DGKB: variants seen among roughly 807,000 people sequenced by gnomAD.
DGKB encodes diacylglycerol kinase beta.
In DGKB, 67 loss-of-function variants were observed where a neutral mutation model predicts 114.3. The observed-to-expected ratio is 0.59, with a 90% CI of 0.48 to 0.72. DGKB has a LOEUF of 0.72. Ranked by LOEUF, DGKB falls within the 30% of genes least tolerant of loss-of-function variation. The pLI, the probability that DGKB is intolerant of heterozygous loss-of-function variation, is 0.00. For missense variants in DGKB, 907 were observed against 975.2 expected (o/e 0.93, Z 0.93); for synonymous variants, 398 against 323.1 (o/e 1.23, Z -2.49).
intron 21 of DGKB, among the ~76,000 whole-genome samples, chr7:14,464,055 G>A (rs1276784188): frequency 2.0e-5 from 3 of 151,222 alleles, no homozygotes; most frequent in East Asian, 1.9e-4. Flanking sequence ...CTAGTAAGAT[G>A]TATAGATCTA....
At chr7:14,526,901 G>T (rs1211285459) in intron 20 of DGKB, among the ~76,000 whole-genome samples, 1 of 152,070 alleles carries the variant, frequency 6.6e-6, no homozygotes, top group African/African-American at 2.4e-5. Flanking sequence ...AAATCTTCAT[G>T]TTAAATCTGG....
chr7:14,335,568 G>C (rs764508349), intron 23 of DGKB, among the ~76,000 whole-genome samples: 1 of 152,096 alleles, frequency 6.6e-6, no homozygotes, highest in Non-Finnish European at 1.5e-5. Flanking sequence ...TTCATTTCAT[G>C]TATTTTCTAA....
At chr7:14,680,564 A>G (rs573630419) in intron 12 of DGKB, among the ~76,000 whole-genome samples, 1 of 151,948 alleles carries the variant, frequency 6.6e-6, no homozygotes, top group Admixed American at 6.6e-5. Context: ...CATTAAAACA[A>G]AAAGGAAAAC....
intron 13 of DGKB, among the ~76,000 whole-genome samples, chr7:14,635,512 A>G (rs893963064): frequency 6.6e-6 from 1 of 151,498 alleles, no homozygotes; most frequent in Non-Finnish European, 1.5e-5. Context: ...AAGACTGAGC[A>G]AAGAAAACTA....
chr7:14,655,799 T>C (rs1815662132), intron 13 of DGKB, among the ~76,000 whole-genome samples: 1 of 151,602 alleles, frequency 6.6e-6, no homozygotes, highest in African/African-American at 2.4e-5. Flanking sequence ...CAATACCACA[T>C]TCTTACTTAT....
intron 1 of DGKB, among the ~76,000 whole-genome samples, chr7:14,933,313 TG>T (rs1371904067): frequency 1.3e-5 from 2 of 152,218 alleles, no homozygotes; most frequent in Non-Finnish European, 2.9e-5. Context: ...CTGGTGGACA[TG>T]TCCTATTCCT....
chr7:14,599,810 A>G (rs1803225901), intron 17 of DGKB, among the ~76,000 whole-genome samples: 2 of 152,126 alleles, frequency 1.3e-5, no homozygotes, highest in African/African-American at 4.8e-5. Context: ...ATTTTTACTT[A>G]TTGGTAAGCT....
chr7:14,778,269 C>G (rs536688995), intron 2 of DGKB, among the ~76,000 whole-genome samples: 1 of 152,296 alleles, frequency 6.6e-6, no homozygotes, highest in South Asian at 2.1e-4. Context: ...ACAGATTGAG[C>G]AATCTCAAGG....
intron 2 of DGKB, among the ~76,000 whole-genome samples, chr7:14,833,159 A>G (rs1425067488): frequency 1.3e-5 from 2 of 152,060 alleles, no homozygotes; most frequent in Admixed American, 1.3e-4. Flanking sequence ...TCTGTTAACA[A>G]TGCCTTAACC....
chr7:14,595,006 C>A (rs900666502), intron 17 of DGKB, among the ~76,000 whole-genome samples: 1 of 151,984 alleles, frequency 6.6e-6, no homozygotes, highest in African/African-American at 2.4e-5. Flanking sequence ...ACTGAGAAGG[C>A]AGACAAGAAA....
chr7:14,713,725 A>C (rs1048857082), intron 6 of DGKB, among the ~76,000 whole-genome samples: 1 of 151,654 alleles, frequency 6.6e-6, no homozygotes, highest in African/African-American at 2.4e-5. Context: ...TTCTAAGGTT[A>C]ATACTGCACA....
intron 4 of DGKB, among the ~76,000 whole-genome samples, chr7:14,736,837 G>A (rs1253561335): frequency 2.0e-5 from 3 of 152,132 alleles, no homozygotes; most frequent in Non-Finnish European, 4.4e-5. Context: ...GAATTGTGGT[G>A]GTGTTAAGGT....
rs1413500640 is a variant in DGKB, at chr7:14,352,956, A to G, written c.1836-7565T>C. On this transcript the variant is annotated intron_variant, in intron 21 of 25. Transcript: ENST00000402815. ...AACAAAAAAAACCAAACAAATAAAA[A>G]AAATAAATGTTTCATAATAATAAAA... Among the ~76,000 whole-genome samples, 4 of 152,138 alleles carry G rather than the reference A, an allele frequency of 2.6e-5. 1 individual carries two copies. The South Asian group carries it at 6.2e-4, about 24-fold the overall frequency.
At chr7:14,454,439 G>A (rs1831980345) in intron 21 of DGKB, among the ~76,000 whole-genome samples, 1 of 152,006 alleles carries the variant, frequency 6.6e-6, no homozygotes, top group Non-Finnish European at 1.5e-5. Context: ...AAACATTCAT[G>A]TTCAATAGTT....
At chr7:14,482,854 G>T (rs1326570238) in intron 20 of DGKB, among the ~76,000 whole-genome samples, 6 of 152,074 alleles carry the variant, frequency 3.9e-5, no homozygotes, top group Non-Finnish European at 8.8e-5. Flanking sequence ...AGCCACAAGT[G>T]GGATTATTTC....
At chr7:14,576,849 G>C (rs924015149) in intron 19 of DGKB, among the ~76,000 whole-genome samples, 2 of 152,104 alleles carry the variant, frequency 1.3e-5, no homozygotes, top group African/African-American at 4.8e-5. Context: ...AAAAAGGCTG[G>C]TTTAAATCTG....
At chr7:14,636,831 A>G (rs981160831) in intron 13 of DGKB, among the ~76,000 whole-genome samples, 1 of 151,908 alleles carries the variant, frequency 6.6e-6, no homozygotes, top group Non-Finnish European at 1.5e-5. Context: ...TTGTGAAAAC[A>G]CTAATTATTT....
At chr7:14,751,483 A>G (rs2128434634) in intron 4 of DGKB, among the ~76,000 whole-genome samples, 1 of 152,330 alleles carries the variant, frequency 6.6e-6, no homozygotes, top group Admixed American at 6.5e-5. Flanking sequence ...TTATAATTGT[A>G]GGTAGATTTG....
chr7:14,645,446 C>T (rs1458244583), intron 13 of DGKB, among the ~76,000 whole-genome samples: 1 of 151,936 alleles, frequency 6.6e-6, no homozygotes, highest in East Asian at 1.9e-4. Context: ...CCACTGGGTG[C>T]CACCTTCTCC....
Sources: allele counts gnomAD v4.1 joint callset (sites outside exome capture counted in the v4.1 genomes callset), GRCh38; gene constraint gnomAD v4.1.1; transcripts MANE v1.5; gene names NCBI Gene and HGNC (gene_info 2026-07-23, HGNC 2026-07-21).